DLGAP2: variants seen among roughly 807,000 people sequenced by gnomAD.
The protein encoded by DLGAP2 is DLG associated protein 2, also known as disks large-associated protein 2.
In DLGAP2, 26 loss-of-function variants were observed where a neutral mutation model predicts 100.3. The observed-to-expected ratio is 0.26, with a 90% CI of 0.19 to 0.36. The LOEUF (loss-of-function observed/expected upper bound fraction) is 0.36. Ranked by LOEUF, DLGAP2 falls within the 10% of genes least tolerant of loss-of-function variation. DLGAP2 has a pLI of 1.00. For synonymous variants in DLGAP2, 886 were observed against 630.1 expected (o/e 1.41, Z -6.08); for missense variants, 1,858 against 1,453.2 (o/e 1.28, Z -4.53).
At chr8:1,244,741 G>A (rs1183966814) in intron 2 of DLGAP2, among the ~76,000 whole-genome samples, 1 of 152,176 alleles carries the variant, frequency 6.6e-6, no homozygotes, top group Non-Finnish European at 1.5e-5. Context: ...GACACCCAAA[G>A]CGCAAAGCAC....
chr8:1,412,505 A>AATAAATGTG (rs1796761341), intron 3 of DLGAP2, among the ~76,000 whole-genome samples: 1 of 152,230 alleles, frequency 6.6e-6, no homozygotes, highest in Admixed American at 6.5e-5. Context: ...TGACCTGCAG[A>AATAAATGTG]ATAAATGTGT....
intron 10 of DLGAP2, among the ~76,000 whole-genome samples, chr8:1,672,834 C>A (rs992137779): frequency 2.0e-5 from 3 of 152,230 alleles, no homozygotes; most frequent in Non-Finnish European, 4.4e-5. Context: ...GCATCAGATT[C>A]AGGGCACCTG....
chr8:999,637 C>A (rs535048369), intron 2 of DLGAP2, among the ~76,000 whole-genome samples: 64 of 152,054 alleles, frequency 4.2e-4, no homozygotes, highest in African/African-American at 1.4e-3. Context: ...TGCCATCATG[C>A]CTGGCTCATT....
chr8:1,216,207 T>C (rs950150262), intron 2 of DLGAP2, among the ~76,000 whole-genome samples: 4 of 152,194 alleles, frequency 2.6e-5, no homozygotes, highest in Admixed American at 2.0e-4. Context: ...CCATGTCACA[T>C]TGGGGTCTTC....
At chr8:1,652,102 G>T (rs1006102780) in intron 8 of DLGAP2, among the ~76,000 whole-genome samples, 1 of 152,218 alleles carries the variant, frequency 6.6e-6, no homozygotes, top group African/African-American at 2.4e-5. Context: ...AGAATTAAGA[G>T]ATATTTGTGT....
intron 2 of DLGAP2, among the ~76,000 whole-genome samples, chr8:959,863 T>C (rs1037134299): frequency 6.6e-6 from 1 of 152,194 alleles, no homozygotes; most frequent in South Asian, 2.1e-4. Context: ...TCATATAAAA[T>C]GAGTTTTATT....
intron 2 of DLGAP2, among the ~76,000 whole-genome samples, chr8:1,189,536 T>G (rs1022251365): frequency 2.6e-5 from 4 of 152,220 alleles, no homozygotes; most frequent in Admixed American, 2.6e-4. Context: ...GATTATGAAT[T>G]CACAGCATTT....
At chr8:1,389,367 C>T (rs1796294769) in intron 3 of DLGAP2, among the ~76,000 whole-genome samples, 1 of 151,794 alleles carries the variant, frequency 6.6e-6, no homozygotes, top group Non-Finnish European at 1.5e-5. Context: ...CCCGGGGAAG[C>T]CAGAGGATCT....
At chr8:785,172 G>T (rs985155334) in intron 1 of DLGAP2, among the ~76,000 whole-genome samples, 4 of 129,576 alleles carry the variant, frequency 3.1e-5, no homozygotes, top group South Asian at 2.5e-4. Context: ...AGCAGAGATC[G>T]TGCCACTGCA....
chr8:891,159 G>A (rs956074161), intron 1 of DLGAP2: 5 of 152,566 alleles, frequency 3.3e-5, no homozygotes, highest in African/African-American at 1.2e-4. Flanking sequence ...GGCCAAGGAT[G>A]TGGGCTTCCA....
chr8:1,090,925 G>C (rs540945573), intron 2 of DLGAP2, among the ~76,000 whole-genome samples: 1 of 152,290 alleles, frequency 6.6e-6, no homozygotes, highest in African/African-American at 2.4e-5. Flanking sequence ...TATTCCAGTG[G>C]CTTGGAGTAC....
intron 2 of DLGAP2, among the ~76,000 whole-genome samples, chr8:1,049,282 C>A (rs1050875375): frequency 2.0e-5 from 3 of 152,064 alleles, no homozygotes; most frequent in Admixed American, 2.0e-4. Context: ...GAGTTTTATG[C>A]AAATATCAAT....
At chr8:1,420,142 A>G (rs75330192) in intron 3 of DLGAP2, among the ~76,000 whole-genome samples, 1,725 of 152,158 alleles carry the variant, frequency 0.011, 32 homozygotes, top group African/African-American at 0.039. Context: ...GGAAGTTCCA[A>G]TCCTCTAATC....
chr8:1,450,628 CTT>C (rs1798131946), intron 3 of DLGAP2, among the ~76,000 whole-genome samples: 4 of 151,708 alleles, frequency 2.6e-5, no homozygotes, highest in Non-Finnish European at 1.5e-5. Flanking sequence ...CCTTTCCAAA[CTT>C]TGTCTTCCCC....
At chr8:1,243,346 G>A (rs1323199843) in intron 2 of DLGAP2, among the ~76,000 whole-genome samples, 1 of 152,152 alleles carries the variant, frequency 6.6e-6, no homozygotes, top group African/African-American at 2.4e-5. Flanking sequence ...CAGTAAAGCT[G>A]CCGGTGCACA....
In DLGAP2 at chr8:1,037,218, G is replaced by C. The variant is rs1319709173; in HGVS notation, c.73+129252G>C. ...GCGTCCCCTGCCGTCCTGTCCTCCC[G>C]GCCCGAGCGCCCCGAGCTTTCCACC... On this transcript the variant is annotated intron_variant, in intron 2 of 14. Transcript: ENST00000637795. 2.0e-5 allele frequency among the ~76,000 whole-genome samples: 3 copies of C among 152,084 alleles called. No homozygotes were observed. In the East Asian group the frequency reaches 5.8e-4, roughly 29 times the overall value.
intron 3 of DLGAP2, chr8:1,262,523 C>A (rs926419902): frequency 6.6e-6 from 1 of 152,124 alleles, no homozygotes; most frequent in Admixed American, 6.6e-5. Flanking sequence ...GCAGTTTCTA[C>A]AGGGTTCTGC....
At chr8:1,518,556 C>T (rs1308088441) in intron 4 of DLGAP2, among the ~76,000 whole-genome samples, 1 of 152,150 alleles carries the variant, frequency 6.6e-6, no homozygotes, top group Non-Finnish European at 1.5e-5. Context: ...GAAATTGAGT[C>T]TCATCCAACC....
At chr8:979,623 A>C (rs1221528320) in intron 2 of DLGAP2, among the ~76,000 whole-genome samples, 1 of 152,210 alleles carries the variant, frequency 6.6e-6, no homozygotes, top group African/African-American at 2.4e-5. Context: ...GGGTGATCCT[A>C]CTTTGAAATG....
Sources: gnomAD v4.1 joint callset for allele counts (sites outside exome capture counted in the v4.1 genomes callset) on GRCh38, gnomAD v4.1.1 for gene constraint, MANE v1.5 for transcripts, NCBI Gene and HGNC (gene_info 2026-07-23, HGNC 2026-07-21) for gene names.